LRP2: variants seen among roughly 807,000 people sequenced by gnomAD.
The protein encoded by LRP2 is LDL receptor related protein 2.
Under a neutral mutation model 531.0 loss-of-function variants are expected in LRP2, and 172 were observed. The observed-to-expected ratio is 0.32, with a 90% CI of 0.29 to 0.37. LRP2 has a LOEUF of 0.37. Among genes scored for constraint, LRP2 ranks in the 10% least tolerant of loss-of-function variants. The pLI, the probability that LRP2 is intolerant of heterozygous loss-of-function variation, is 1.00. For synonymous variants in LRP2, 1,992 were observed against 2,027.6 expected (o/e 0.98, Z 0.47); for missense variants, 5,167 against 5,868.3 (o/e 0.88, Z 3.90).
rs1486313061 is a variant in LRP2, at chr2:169,206,643, A to G, written c.7077T>C (p.Ala2359=). Residue 2359 remains alanine (A), a synonymous_variant, in exon 39 of 79, where the codon GCT becomes GCC. Transcript: ENST00000649046. The stretch of plus-strand genomic sequence containing the variant: ...ATTTTGGGGTGTGCAATCCAGGCAG[A>G]GCAAAGCAGAGATGAGAGCACCCAC... ...NNGGCSHLCF[A]LPGLHTPKCD... is the part of the protein sequence containing the mutation. 6.2e-7 allele frequency: 1 copy of G among 1,614,148 alleles called. No individual in the cohort carries two copies.
At chr2:169,289,647 A>T (rs771188431) in intron 8 of LRP2, among the ~76,000 whole-genome samples, 1 of 152,182 alleles carries the variant, frequency 6.6e-6, no homozygotes, top group Non-Finnish European at 1.5e-5. Flanking sequence ...ATGAAAAAAA[A>T]ATCAGGTCAT....
intron 10 of LRP2, among the ~76,000 whole-genome samples, chr2:169,281,393 G>A (rs532879216): frequency 6.6e-6 from 1 of 152,172 alleles, no homozygotes; most frequent in South Asian, 2.1e-4. Flanking sequence ...TTGCACTCCA[G>A]CCTGGGCAAC....
intron 4 of LRP2, among the ~76,000 whole-genome samples, chr2:169,301,839 C>T (rs1684292677): frequency 1.3e-5 from 2 of 151,998 alleles, no homozygotes; most frequent in Admixed American, 1.3e-4. Flanking sequence ...ATTTTAGAAG[C>T]TTGAAAGGGT....
intron 1 of LRP2, among the ~76,000 whole-genome samples, chr2:169,359,240 A>G (rs1388411764): frequency 6.6e-6 from 1 of 152,198 alleles, no homozygotes; most frequent in Non-Finnish European, 1.5e-5. Flanking sequence ...CATCTGAGCT[A>G]TGCAAAGTTG....
rs1227900700 is a variant in LRP2 at position 169,273,030 on chromosome 2, C to G, written c.2013G>C (p.Glu671Asp). 6.2e-7 allele frequency: 1 copy of G among 1,613,604 alleles called. No homozygotes were observed. Among genetic ancestry groups the G allele is most frequent in the Non-Finnish European group, 8.5e-7 (1 of 1,179,758 alleles). The part of the protein sequence containing the change: ...NPCKDNNGGC[E>D]QVCVLSHRTD... ...TTCTGTGGCTGAGGACACAGACCTG[C>G]TCACAGCCCCCATTGTTATCTTTAC... Residue 671 changes from glutamate (E) to aspartate (D), a missense_variant, in exon 15 of 79, where the codon GAG becomes GAC. By Grantham distance (45) the Glu-to-Asp change is conservative. Transcript: ENST00000649046.
intron 18 of LRP2, 133 bp downstream of exon 18, chr2:169,256,991 C>G: frequency 1.0e-6 from 1 of 989,156 alleles, no homozygotes; most frequent in Non-Finnish European, 1.6e-6. Context: ...TCTCCCATCA[C>G]CAATTAATTA....
chr2:169,260,818 T>C (rs566579020), intron 16 of LRP2, among the ~76,000 whole-genome samples: 70 of 151,734 alleles, frequency 4.6e-4, no homozygotes, highest in Admixed American at 8.5e-4. Flanking sequence ...AACAACAGAT[T>C]TACAGTTTTT....
At chr2:169,156,839 G>T (rs1686349686) in intron 64 of LRP2, among the ~76,000 whole-genome samples, 1 of 152,118 alleles carries the variant, frequency 6.6e-6, no homozygotes, top group South Asian at 2.1e-4. Context: ...AAGTCCAAAA[G>T]GAACTCTTAC....
At chr2:169,349,327 C>A (rs574016848) in intron 1 of LRP2, among the ~76,000 whole-genome samples, 125 of 152,056 alleles carry the variant, frequency 8.2e-4, no homozygotes, top group African/African-American at 2.7e-3. Flanking sequence ...CCATCTGAGG[C>A]AAGAGCATTT....
intron 2 of LRP2, 24 bp downstream of exon 2, chr2:169,320,753 T>G (rs199498576): frequency 1.3e-6 from 2 of 1,589,290 alleles, no homozygotes; most frequent in African/African-American, 2.7e-5. Flanking sequence ...AAAATAGAAC[T>G]TAGCCTGGCC....
At chr2:169,147,868 G>A (rs1323610476) in intron 68 of LRP2, among the ~76,000 whole-genome samples, 1 of 151,894 alleles carries the variant, frequency 6.6e-6, no homozygotes, top group Non-Finnish European at 1.5e-5. Context: ...AGTGTAATCC[G>A]CTCCTCTGAT....
intron 34 of LRP2, among the ~76,000 whole-genome samples, chr2:169,217,271 A>T (rs1688832854): frequency 6.6e-6 from 1 of 152,126 alleles, no homozygotes; most frequent in South Asian, 2.1e-4. Context: ...TCATTTAAAT[A>T]GTCTTTATTC....
chr2:169,335,823 G>A (rs1473456430), intron 1 of LRP2, among the ~76,000 whole-genome samples: 1 of 152,136 alleles, frequency 6.6e-6, no homozygotes, highest in Non-Finnish European at 1.5e-5. Context: ...AGACCAGCCT[G>A]GCCAGCATGG....
chr2:169,326,222 G>A (rs1407293338), intron 1 of LRP2, among the ~76,000 whole-genome samples: 3 of 80,906 alleles, frequency 3.7e-5, no homozygotes, highest in African/African-American at 1.1e-4. Flanking sequence ...TCTCCCTCTC[G>A]GTCTCCCTCT....
intron 12 of LRP2, among the ~76,000 whole-genome samples, chr2:169,278,647 T>G (rs749997580): frequency 6.6e-6 from 1 of 152,150 alleles, no homozygotes; most frequent in Admixed American, 6.5e-5. Context: ...CAGAGAACAT[T>G]TCCGTCATTT....
At chr2:169,308,270 G>A (rs1441896204) in intron 3 of LRP2, among the ~76,000 whole-genome samples, 5 of 151,836 alleles carry the variant, frequency 3.3e-5, no homozygotes, top group African/African-American at 7.3e-5. Flanking sequence ...CATGTGCACA[G>A]CGTGCAGGTT....
chr2:169,135,929 C>T (rs1311061105), intron 76 of LRP2, among the ~76,000 whole-genome samples: 7 of 152,150 alleles, frequency 4.6e-5, no homozygotes, highest in African/African-American at 7.2e-5. Context: ...CAAGCCGTCA[C>T]AGCTGATATC....
At position 169,201,815 on chromosome 2, in the gene LRP2, T is replaced by C. The variant is rs757303192; in HGVS notation, c.8265A>G (p.Gln2755=). Residue 2755 remains glutamine (Q), a synonymous_variant, in exon 44 of 79, where the codon CAA becomes CAG. Coordinates refer to ENST00000649046, the MANE Select transcript of LRP2 (RefSeq NM_004525.3). ...AFTCANGRCV[Q]YSYRCDYYND... is the part of the protein sequence containing the mutation. ...TGTAGTAATCACAGCGGTAAGAGTA[T>C]TGGACACATCGCCCATTGGCACAGG... The C allele has an allele frequency of 6.2e-6, 10 of 1,614,080 alleles. No individual in the cohort carries two copies. The East Asian group carries it at 1.1e-4, about 18-fold the overall frequency.
chr2:169,176,535 T>G lies in LRP2; in HGVS notation c.10447A>C (p.Lys3483Gln). 1 of 1,614,182 alleles carries G rather than the reference T, an allele frequency of 6.2e-7. No individual in the cohort carries two copies. Among genetic ancestry groups the G allele is most frequent in the South Asian group, 1.1e-5 (1 of 91,088 alleles). ...CAAGTGAACCCTTTTCCTCCTGGCTTGATGAGGCAGAGATGAGAACAGCCA... is the reference window on the plus strand; with the variant it reads ...CAAGTGAACCCTTTTCCTCCTGGCTGGATGAGGCAGAGATGAGAACAGCCA... ...NGGCSHLCLI[K>Q]PGGKGFTCEC... is the part of the protein sequence containing the mutation. The change falls in exon 54 of 79, where the codon AAG becomes CAG. Residue 3483 changes from lysine to glutamine, a missense_variant. This residue lies in a region of LRP2 where 1,129 missense variants were observed against 1,362.7 expected (regional missense o/e 0.83). Transcript: ENST00000649046.
Sources: gnomAD v4.1 joint callset for allele counts (sites outside exome capture counted in the v4.1 genomes callset) on GRCh38, gnomAD v4.1.1 for gene constraint, gnomAD v4.1.1 regional missense constraint, MANE v1.5 for transcripts, NCBI Gene and HGNC (gene_info 2026-07-23, HGNC 2026-07-21) for gene names.